TRPM1: variants seen among roughly 807,000 people sequenced by gnomAD.
TRPM1 encodes TRPM1-203 APA Isoform, Intron 10.
Under a neutral mutation model 149.4 loss-of-function variants are expected in TRPM1, and 113 were observed. That is an observed-to-expected ratio of 0.76 (90% CI 0.65 to 0.88). The LOEUF (loss-of-function observed/expected upper bound fraction) is 0.88, where lower values mean the gene tolerates loss of function less well. Ranked by LOEUF, TRPM1 falls within the 40% of genes least tolerant of loss-of-function variation. The pLI is 0.00. For missense variants in TRPM1, 1,976 were observed against 2,038.7 expected, an observed-to-expected ratio of 0.97 and a Z score of 0.59; for synonymous variants, 741 against 759.5, an observed-to-expected ratio of 0.98 and a Z score of 0.40.
At chr15:31,131,701 G>T (rs2036017889) in intron 1 of TRPM1, among the ~76,000 whole-genome samples, 1 of 152,164 alleles carries the variant, frequency 6.6e-6, no homozygotes, top group African/African-American at 2.4e-5. Context: ...TCAGAGAGGG[G>T]TCCGGGGAGA....
intron 27 of TRPM1, among the ~76,000 whole-genome samples, chr15:31,024,034 C>T (rs1176250056): frequency 5.9e-5 from 9 of 152,024 alleles, no homozygotes; most frequent in Non-Finnish European, 7.4e-5. Context: ...TGTGTGAACA[C>T]GCCTGTAAAA....
chr15:31,119,647 A>C (rs1290655123), intron 1 of TRPM1, among the ~76,000 whole-genome samples: 1 of 148,364 alleles, frequency 6.7e-6, no homozygotes, highest in East Asian at 1.9e-4. Flanking sequence ...AACTGTTTGT[A>C]CAAAAATAAT....
intron 10 of TRPM1, among the ~76,000 whole-genome samples, chr15:31,061,175 T>A (rs2034221369): frequency 6.6e-6 from 1 of 152,250 alleles, no homozygotes; most frequent in African/African-American, 2.4e-5. Context: ...GTTTACACTC[T>A]AGGAGCTGAA....
intron 27 of TRPM1, among the ~76,000 whole-genome samples, chr15:31,008,091 T>C (rs922011553): frequency 6.6e-6 from 1 of 152,234 alleles, no homozygotes; most frequent in African/African-American, 2.4e-5. Context: ...TTTCATTTTG[T>C]TTTTTAAAGA....
chr15:31,004,169 T>C (rs1475740237), intron 27 of TRPM1, among the ~76,000 whole-genome samples: 6 of 152,180 alleles, frequency 3.9e-5, no homozygotes, highest in East Asian at 1.9e-4. Flanking sequence ...CTTAAAAACA[T>C]AGGGAGACTT....
intron 12 of TRPM1, among the ~76,000 whole-genome samples, chr15:31,050,088 G>T (rs1002183407): frequency 6.6e-6 from 1 of 152,248 alleles, no homozygotes; most frequent in Non-Finnish European, 1.5e-5. Context: ...GGTGACAACT[G>T]ATTTGTCTGC....
intron 2 of TRPM1, among the ~76,000 whole-genome samples, chr15:31,077,825 A>G (rs927821077): frequency 1.2e-4 from 18 of 151,184 alleles, no homozygotes; most frequent in Admixed American, 2.0e-4. Context: ...TGTGTGTGTG[A>G]TGAGTCTGTA....
chr15:31,025,996 A>T, intron 27 of TRPM1, 143 bp downstream of exon 27: 1 of 1,194,822 alleles, frequency 8.4e-7, no homozygotes, highest in Non-Finnish European at 1.2e-6. Context: ...ATTTCGTGGG[A>T]ACCACGTTAA....
chr15:31,139,825 A>T (rs1390131436), intron 1 of TRPM1, among the ~76,000 whole-genome samples: 1 of 152,258 alleles, frequency 6.6e-6, no homozygotes, highest in South Asian at 2.1e-4. Context: ...CAATGTAAGC[A>T]TAATTGTTAA....
intron 11 of TRPM1, 92 bp downstream of exon 11, chr15:31,060,452 T>G: frequency 1.9e-6 from 2 of 1,050,464 alleles, no homozygotes; most frequent in Admixed American, 1.9e-5. Context: ...CCACATAATT[T>G]CCTGAATTCC....
chr15:31,003,138 G>A (rs945914206), intron 27 of TRPM1, 68 bp from the exon 28 acceptor site: 26 of 1,396,378 alleles, frequency 1.9e-5, no homozygotes, highest in South Asian at 2.6e-5. Context: ...AAAAGATAAT[G>A]TCATTGCTAT....
chr15:31,149,524 C>CT (rs34420721), intron 1 of TRPM1, among the ~76,000 whole-genome samples: 44,755 of 127,066 alleles, frequency 0.35, 8,839 homozygotes, highest in Admixed American at 0.42. Context: ...ATCTCTCTCT[C>CT]TCTTTTTTTT....
intron 1 of TRPM1, among the ~76,000 whole-genome samples, chr15:31,147,847 CA>C (rs1567079975): frequency 6.6e-6 from 1 of 152,114 alleles, no homozygotes; most frequent in African/African-American, 2.4e-5. Context: ...TAAAGGGGGC[CA>C]GGGGTCCAGG....
At chr15:31,043,489 G>A (rs2033681124) in intron 16 of TRPM1, among the ~76,000 whole-genome samples, 3 of 152,126 alleles carry the variant, frequency 2.0e-5, no homozygotes, top group Admixed American at 6.5e-5. Context: ...ACCACGCCCG[G>A]CCACGACTGA....
At chr15:31,047,553 G>A (rs1227816771) in intron 14 of TRPM1, among the ~76,000 whole-genome samples, 1 of 152,222 alleles carries the variant, frequency 6.6e-6, no homozygotes, top group Non-Finnish European at 1.5e-5. Flanking sequence ...AGGAGGGACA[G>A]AACGAGAGGC....
At chr15:31,056,761 C>G (rs185114678) in intron 11 of TRPM1, among the ~76,000 whole-genome samples, 3 of 152,304 alleles carry the variant, frequency 2.0e-5, no homozygotes, top group East Asian at 3.9e-4. Context: ...CTCGCTGTCT[C>G]TCGCTCTCTT....
intron 1 of TRPM1, among the ~76,000 whole-genome samples, chr15:31,118,861 ACCAT>A (rs2141031712): frequency 6.6e-6 from 1 of 151,470 alleles, no homozygotes; most frequent in South Asian, 2.1e-4. Context: ...ACCTATAATT[ACCAT>A]CACATTGGGA....
Position 31,013,150 on chromosome 15 carries a change from TG to T in TRPM1, c.3630-10081del, listed in dbSNP as rs561445189. 3.3e-5 allele frequency among the ~76,000 whole-genome samples: 5 copies of T among 151,944 alleles called. No homozygotes were observed. In the East Asian group the frequency reaches 9.7e-4, roughly 29 times the overall value. On this transcript the variant is annotated intron_variant, in intron 27 of 27. Transcript: ENST00000256552. Reference sequence around the variant, plus strand: ...CACCACCATGCTCTGCCAGTTGCCATGATATGCACCACCATGCCTGTCCAGT... The same window carrying T: ...CACCACCATGCTCTGCCAGTTGCCATATATGCACCACCATGCCTGTCCAGT...
At chr15:31,074,416 GT>G in intron 3 of TRPM1, among the ~76,000 whole-genome samples, 1 of 152,124 alleles carries the variant, frequency 6.6e-6, no homozygotes. Context: ...TCTTGAGTCA[GT>G]TTTGGCAGAT....
Sources: gnomAD v4.1 joint callset for allele counts (sites outside exome capture counted in the v4.1 genomes callset) on GRCh38, gnomAD v4.1.1 for gene constraint, MANE v1.5 for transcripts, NCBI Gene and HGNC (gene_info 2026-07-23, HGNC 2026-07-21) for gene names.